PTPRM: variants seen among roughly 807,000 people sequenced by gnomAD.
PTPRM encodes receptor-type tyrosine-protein phosphatase mu.
A neutral mutation model predicts 186.7 loss-of-function variants in PTPRM; 47 were observed. The observed-to-expected ratio is 0.25, with a 90% CI of 0.20 to 0.32. The LOEUF (loss-of-function observed/expected upper bound fraction) is 0.32, where lower values mean the gene tolerates loss of function less well. Among genes scored for constraint, PTPRM ranks in the 10% least tolerant of loss-of-function variants. PTPRM has a pLI of 1.00. For missense variants in PTPRM, 1,494 were observed against 1,865.0 expected, an observed-to-expected ratio of 0.80 and a Z score of 3.66; for synonymous variants, 668 against 674.9, an observed-to-expected ratio of 0.99 and a Z score of 0.16.
chr18:7,898,603 G>GT (rs2049493807), intron 3 of PTPRM, among the ~76,000 whole-genome samples: 1 of 152,164 alleles, frequency 6.6e-6, no homozygotes, highest in Non-Finnish European at 1.5e-5. Context: ...TTAACCAGTT[G>GT]TTTCCTCTCT....
intron 1 of PTPRM, among the ~76,000 whole-genome samples, chr18:7,688,341 A>C (rs1435093785): frequency 6.6e-6 from 1 of 152,182 alleles, no homozygotes; most frequent in Non-Finnish European, 1.5e-5. Flanking sequence ...TTTATTCCTC[A>C]GAGAAGAAAC....
chr18:7,638,699 G>A (rs1022061902), intron 1 of PTPRM, among the ~76,000 whole-genome samples: 1 of 152,142 alleles, frequency 6.6e-6, no homozygotes, highest in Admixed American at 6.5e-5. Flanking sequence ...AGTATTATTA[G>A]GTTAGTTCTT....
intron 2 of PTPRM, among the ~76,000 whole-genome samples, chr18:7,873,451 G>GT (rs895782126): frequency 6.6e-6 from 1 of 152,132 alleles, no homozygotes; most frequent in Non-Finnish European, 1.5e-5. Flanking sequence ...CCTTAGGGAA[G>GT]TTTTTTTAAA....
intron 1 of PTPRM, among the ~76,000 whole-genome samples, chr18:7,614,569 A>C (rs2037755770): frequency 6.6e-6 from 1 of 152,224 alleles, no homozygotes; most frequent in South Asian, 2.1e-4. Context: ...TCTTTAGAGA[A>C]AATTGGATCA....
chr18:7,771,605 G>A (rs914849219), intron 1 of PTPRM, among the ~76,000 whole-genome samples: 3 of 152,190 alleles, frequency 2.0e-5, no homozygotes, highest in Admixed American at 6.5e-5. Flanking sequence ...GTTGAAACAA[G>A]TAATTGTTAA....
chr18:7,719,582 G>C (rs1464749354), intron 1 of PTPRM, among the ~76,000 whole-genome samples: 1 of 152,054 alleles, frequency 6.6e-6, no homozygotes, highest in African/African-American at 2.4e-5. Context: ...TAATAAAATA[G>C]TAATTGTTAA....
At chr18:7,948,291 GAGAGAA>G (rs1051132944) in intron 5 of PTPRM, among the ~76,000 whole-genome samples, 1 of 151,916 alleles carries the variant, frequency 6.6e-6, no homozygotes, top group African/African-American at 2.4e-5. Context: ...TATAGAGAGA[GAGAGAA>G]AGAGAGAGAG....
chr18:8,323,450 G>A lies in PTPRM; in HGVS notation c.2956+4236G>A, dbSNP rs1316181793. On this transcript the variant is annotated intron_variant, in intron 22 of 32. Coordinates refer to ENST00000580170, the MANE Select transcript of PTPRM (RefSeq NM_001105244.2). ...ACAACACAATAAAAAGCAAATGTTC[G>A]ATGATAGTCATGTCTGAAAATACAT... is the stretch of plus-strand genomic sequence containing the variant. Among the ~76,000 whole-genome samples, 12 of 152,134 alleles carry A rather than the reference G, an allele frequency of 7.9e-5. No homozygotes were observed. The South Asian group carries it at 1.0e-3, about 13-fold the overall frequency.
intron 5 of PTPRM, among the ~76,000 whole-genome samples, chr18:7,942,889 G>C (rs2052279349): frequency 6.6e-6 from 1 of 152,042 alleles, no homozygotes; most frequent in South Asian, 2.1e-4. Context: ...CCTTACGCGT[G>C]TCTTCTTAGA....
chr18:8,378,343 A>C lies in PTPRM; in HGVS notation c.3541A>C (p.Arg1181=). ...CACCTCTGTGCCTGCTTCCCAAGTT[A>C]GGTCTCTGTATTATGACATGAACAA... ...GDTSVPASQV[R]SLYYDMNKLD... The change falls in exon 27 of 33, where the codon AGG becomes CGG. Residue 1181 remains arginine (R), a synonymous_variant. Coordinates refer to ENST00000580170, the MANE Select transcript of PTPRM (RefSeq NM_001105244.2). The C allele has an allele frequency of 1.2e-6, 2 of 1,613,762 alleles. No individual in the cohort carries two copies. Among genetic ancestry groups the C allele is most frequent in the Non-Finnish European group, 1.7e-6 (2 of 1,179,644 alleles).
chr18:7,942,441 G>C (rs989831677), intron 5 of PTPRM, among the ~76,000 whole-genome samples: 1 of 152,094 alleles, frequency 6.6e-6, no homozygotes. Context: ...AATAAGCGGG[G>C]TGCACTGAAC....
intron 3 of PTPRM, among the ~76,000 whole-genome samples, chr18:7,892,310 T>C (rs780786175): frequency 6.6e-6 from 1 of 152,178 alleles, no homozygotes; most frequent in Non-Finnish European, 1.5e-5. Context: ...GCCTTTTATG[T>C]CCCTACCTCA....
chr18:7,643,698 G>A (rs547775757), intron 1 of PTPRM, among the ~76,000 whole-genome samples: 1 of 152,084 alleles, frequency 6.6e-6, no homozygotes, highest in African/African-American at 2.4e-5. Context: ...GATTTCAATG[G>A]ACCATGAAAT....
At chr18:7,882,373 C>G (rs190537217) in intron 2 of PTPRM, among the ~76,000 whole-genome samples, 1 of 152,158 alleles carries the variant, frequency 6.6e-6, no homozygotes, top group East Asian at 1.9e-4. Context: ...AAGTGCTGCT[C>G]TAGTGAACTG....
chr18:8,266,253 T>C (rs1209975204), intron 19 of PTPRM, among the ~76,000 whole-genome samples: 3 of 151,684 alleles, frequency 2.0e-5, no homozygotes, highest in African/African-American at 7.3e-5. Context: ...ATGATGTCTC[T>C]AATCCCTACT....
intron 1 of PTPRM, among the ~76,000 whole-genome samples, chr18:7,672,507 G>A (rs1223941071): frequency 7.0e-5 from 10 of 141,954 alleles, no homozygotes; most frequent in Non-Finnish European, 1.5e-4. Context: ...GAGAAACAAA[G>A]AAGAAGATGC....
Position 8,238,331 on chromosome 18 carries a change from G to A in PTPRM, c.2301-5727G>A, listed in dbSNP as rs184555756. Among the ~76,000 whole-genome samples, 398 of 152,106 alleles carry A rather than the reference G, an allele frequency of 2.6e-3. 2 individuals carry two copies. Among genetic ancestry groups the A allele is most frequent in the Non-Finnish European group, 4.3e-3 (290 of 67,982 alleles). On this transcript the variant is annotated intron_variant, in intron 14 of 32. Coordinates refer to ENST00000580170, the MANE Select transcript of PTPRM (RefSeq NM_001105244.2). ...CTTTTTTCTCTTTTCAGTTTTGGAG[G>A]TTTTTACTGAGATAATCTTCAAGCT... is the stretch of plus-strand genomic sequence containing the variant.
chr18:7,632,936 A>C lies in PTPRM; in HGVS notation c.73+65045A>C, dbSNP rs538589292. Reference sequence around the variant, plus strand: ...CTTTCATTAATCCATCAGATTTCTGATGCTGCACATCCTAATGCAGGAGAT... The same window carrying C: ...CTTTCATTAATCCATCAGATTTCTGCTGCTGCACATCCTAATGCAGGAGAT... On this transcript the variant is annotated intron_variant, in intron 1 of 32. Transcript: ENST00000580170. Among the ~76,000 whole-genome samples the C allele has an allele frequency of 6.6e-5, 10 of 152,324 alleles. No individual in the cohort carries two copies. The South Asian group carries it at 2.1e-3, about 32-fold the overall frequency.
intron 7 of PTPRM, among the ~76,000 whole-genome samples, chr18:7,961,447 C>T (rs930293787): frequency 1.3e-5 from 2 of 152,302 alleles, no homozygotes; most frequent in African/African-American, 4.8e-5. Flanking sequence ...ATCACGTGTG[C>T]GATTGCACCT....
Sources: allele counts gnomAD v4.1 joint callset (sites outside exome capture counted in the v4.1 genomes callset), GRCh38; gene constraint gnomAD v4.1.1; transcripts MANE v1.5; gene names NCBI Gene and HGNC (gene_info 2026-07-23, HGNC 2026-07-21).